Variants in ABCB1 observed in about 807,000 individuals in gnomAD.
ABCB1 encodes ATP binding cassette subfamily B member 1.
In ABCB1, 69 loss-of-function variants were observed where a neutral mutation model predicts 142.0. The observed-to-expected ratio is 0.49, with a 90% CI of 0.40 to 0.59. ABCB1 has a LOEUF of 0.59. ABCB1 is among the 20% of genes least tolerant of loss of function. The pLI, the probability that ABCB1 is intolerant of heterozygous loss-of-function variation, is 0.00. For missense variants in ABCB1, 1,326 were observed against 1,554.7 expected, an observed-to-expected ratio of 0.85 and a Z score of 2.47; for synonymous variants, 532 against 539.2, an observed-to-expected ratio of 0.99 and a Z score of 0.18.
Position 87,637,305 on chromosome 7 carries a change from C to T in ABCB1, c.-330-36227G>A, listed in dbSNP as rs530644211. 9.2e-5 allele frequency among the ~76,000 whole-genome samples: 14 copies of T among 152,226 alleles called. No homozygotes were observed. The South Asian group carries it at 2.7e-3, about 29-fold the overall frequency. ...CTATTTGTCTCTCCTGAGCTAATAT[C>T]GTACTAAATTAATACCTATAACTTT... On this transcript the variant is annotated intron_variant, in intron 1 of 28. Coordinates refer to the ABCB1 transcript ENST00000265724.
intron 1 of ABCB1, among the ~76,000 whole-genome samples, chr7:87,704,763 A>G (rs1291462256): frequency 6.6e-6 from 1 of 152,204 alleles, no homozygotes; most frequent in African/African-American, 2.4e-5. Context: ...TTGCCTAGTT[A>G]TGCTGGGAAG....
At chr7:87,542,599 T>C (rs1460653227) in intron 17 of ABCB1, among the ~76,000 whole-genome samples, 3 of 152,148 alleles carry the variant, frequency 2.0e-5, no homozygotes, top group Non-Finnish European at 4.4e-5. Context: ...ATGAGAAAAG[T>C]ATAAAATCAT....
At chr7:87,685,183 C>G (rs941172517) in intron 1 of ABCB1, among the ~76,000 whole-genome samples, 6 of 152,108 alleles carry the variant, frequency 3.9e-5, no homozygotes, top group African/African-American at 1.4e-4. Flanking sequence ...TTGCAAATCA[C>G]ATGTTTGACA....
chr7:87,612,670 A>G (rs1819893748), intron 1 of ABCB1, among the ~76,000 whole-genome samples: 1 of 152,174 alleles, frequency 6.6e-6, no homozygotes, highest in Non-Finnish European at 1.5e-5. Context: ...ATAATCGTAT[A>G]GTATAATTTG....
In ABCB1 at chr7:87,692,583, C is replaced by T. The variant is rs184740886; in HGVS notation, c.-331+20578G>A. Among the ~76,000 whole-genome samples, 5 of 152,214 alleles carry T rather than the reference C, an allele frequency of 3.3e-5. No homozygotes were observed. The East Asian group carries it at 7.7e-4, about 24-fold the overall frequency. ...CTGGTCATGATATGCTTATTTGGTA[C>T]ATTTTTGTAGTAAAATTTCTTTAAG... On this transcript the variant is annotated intron_variant, in intron 1 of 28. Transcript: ENST00000265724.
intron 7 of ABCB1, chr7:87,564,213 G>A (rs993684476): frequency 2.9e-5 from 12 of 419,482 alleles, no homozygotes; most frequent in East Asian, 1.5e-4. Flanking sequence ...TACTCTAGCC[G>A]GCAGTTGTTC....
chr7:87,603,503 C>T (rs549658278), upstream of ABCB1, among the ~76,000 whole-genome samples: 6 of 152,272 alleles, frequency 3.9e-5, no homozygotes, highest in Middle Eastern at 3.4e-3. Context: ...GCAATGGCTC[C>T]CTGCCACAGA....
chr7:87,553,109 T>A (rs1280513083), intron 9 of ABCB1, among the ~76,000 whole-genome samples: 1 of 144,070 alleles, frequency 6.9e-6, no homozygotes, highest in Admixed American at 6.7e-5. Flanking sequence ...TATTTTGCCA[T>A]TTTTGTGAAT....
intron 1 of ABCB1, among the ~76,000 whole-genome samples, chr7:87,685,280 C>A (rs1217111760): frequency 2.0e-5 from 3 of 152,038 alleles, no homozygotes; most frequent in African/African-American, 7.2e-5. Flanking sequence ...ATGCAAAGAG[C>A]TGAACAGATA....
At chr7:87,694,811 A>G (rs899648550) in intron 1 of ABCB1, among the ~76,000 whole-genome samples, 1 of 152,206 alleles carries the variant, frequency 6.6e-6, no homozygotes, top group East Asian at 1.9e-4. Context: ...TTACTGGGAT[A>G]AAAAAGCCTA....
chr7:87,509,250 G>C lies in ABCB1; in HGVS notation c.3489+25C>G, dbSNP rs28401808. The C allele has an allele frequency of 2.7e-5, 44 of 1,611,446 alleles. No homozygotes were observed. In the African/African-American group the frequency reaches 5.1e-4, roughly 19 times the overall value. ...CAGAGAGGCTGCCACATGCTCCCAG[G>C]CTGTTTATTTGAAGAGAGACTTACA... is the stretch of plus-strand genomic sequence containing the variant. On this transcript the variant is annotated intron_variant, in intron 26 of 27. Transcript: ENST00000622132.
At chr7:87,525,761 G>A (rs1462032220) in intron 21 of ABCB1, among the ~76,000 whole-genome samples, 1 of 152,082 alleles carries the variant, frequency 6.6e-6, no homozygotes, top group African/African-American at 2.4e-5. Context: ...AGGGGAAGAG[G>A]CAGAGGAAGT....
At chr7:87,602,792 A>G (rs2130016502), upstream of ABCB1, among the ~76,000 whole-genome samples, 1 of 152,292 alleles carries the variant, frequency 6.6e-6, no homozygotes, top group South Asian at 2.1e-4. Context: ...CACTGACATG[A>G]AAGTGTGAAT....
At chr7:87,598,831 C>T (rs1187036919) in intron 2 of ABCB1, among the ~76,000 whole-genome samples, 1 of 152,140 alleles carries the variant, frequency 6.6e-6, no homozygotes, top group African/African-American at 2.4e-5. Flanking sequence ...CATTAAACTC[C>T]ACTTCCTTAT....
rs572398247 is a variant in ABCB1, at chr7:87,631,574, T to C, written c.-330-30496A>G. On this transcript the variant is annotated intron_variant, in intron 1 of 28. Transcript: ENST00000265724. Reference sequence around the variant, plus strand: ...CCCGGCTAATTTTTTGTGTTTTGTTTAGTAGAGACGGGGTTTCACCGTATT... The same window carrying C: ...CCCGGCTAATTTTTTGTGTTTTGTTCAGTAGAGACGGGGTTTCACCGTATT... Among the ~76,000 whole-genome samples, 49 of 152,250 alleles carry C rather than the reference T, an allele frequency of 3.2e-4. No homozygotes were observed. The South Asian group carries it at 8.9e-3, about 28-fold the overall frequency.
chr7:87,703,257 T>C (rs1829254052), intron 1 of ABCB1, among the ~76,000 whole-genome samples: 1 of 152,196 alleles, frequency 6.6e-6, no homozygotes, highest in African/African-American at 2.4e-5. Context: ...TTAGGATTTT[T>C]TTTTTCTTTT....
chr7:87,596,729 G>A (rs1321765307), intron 2 of ABCB1, among the ~76,000 whole-genome samples: 1 of 152,058 alleles, frequency 6.6e-6, no homozygotes. Context: ...GGTCAAAAGA[G>A]GTGAGGAGAC....
At chr7:87,628,388 C>CG (rs1391818716) in intron 1 of ABCB1, 1 of 156,026 alleles carries the variant, frequency 6.4e-6, no homozygotes, top group Non-Finnish European at 1.4e-5. Context: ...CACGCGAGGC[C>CG]GGGGGCCTTG....
chr7:87,678,111 G>A (rs1041535328), intron 1 of ABCB1, among the ~76,000 whole-genome samples: 2 of 152,222 alleles, frequency 1.3e-5, no homozygotes, highest in African/African-American at 4.8e-5. Flanking sequence ...TGAAGAAAGA[G>A]CAACAGAAAC....
Sources: gnomAD v4.1 joint callset for allele counts (sites outside exome capture counted in the v4.1 genomes callset) on GRCh38, gnomAD v4.1.1 for gene constraint, MANE v1.5 for transcripts, NCBI Gene and HGNC (gene_info 2026-07-23, HGNC 2026-07-21) for gene names.